The following DAGLB variants were observed in gnomAD, a reference collection of about 807,000 sequenced individuals.
DAGLB encodes diacylglycerol lipase beta, also known as diacylglycerol lipase-beta.
Under a neutral mutation model 72.1 loss-of-function variants are expected in DAGLB, and 66 were observed. The observed-to-expected ratio is 0.92, with a 90% CI of 0.75 to 1.12. DAGLB has a LOEUF of 1.12. Ranked by LOEUF, DAGLB falls within the 50% of genes most tolerant of loss-of-function variation. The probability of loss-of-function intolerance (pLI) is 0.00; values close to 1 mark genes in which losing one functional copy is unlikely to be tolerated. For missense variants in DAGLB, 1,065 were observed against 884.9 expected (o/e 1.20, Z -2.58); for synonymous variants, 414 against 359.5 (o/e 1.15, Z -1.71).
At chr7:6,423,955 T>C (rs962405077) in intron 8 of DAGLB, among the ~76,000 whole-genome samples, 1 of 151,650 alleles carries the variant, frequency 6.6e-6, no homozygotes, top group Non-Finnish European at 1.5e-5. Context: ...CTGTGGGAAG[T>C]GTGGCTTCTC....
At chr7:6,419,961 A>C (rs1211681295) in intron 9 of DAGLB, among the ~76,000 whole-genome samples, 3 of 152,230 alleles carry the variant, frequency 2.0e-5, no homozygotes, top group East Asian at 1.9e-4. Context: ...TGGGCAACAC[A>C]GAGAGACCCC....
intron 2 of DAGLB, among the ~76,000 whole-genome samples, chr7:6,443,817 T>C (rs913800821): frequency 2.0e-5 from 3 of 152,162 alleles, no homozygotes; most frequent in Non-Finnish European, 4.4e-5. Flanking sequence ...CTCTGACCAA[T>C]GAATCATTTC....
rs76757366 is a variant in DAGLB, at chr7:6,414,646, T to G, written c.1428-1612A>C. Among the ~76,000 whole-genome samples, 1,093 of 152,174 alleles carry G rather than the reference T, an allele frequency of 7.2e-3. 12 individuals are homozygous for G. The highest frequency in any genetic ancestry group is 0.025 in the African/African-American group (1,048 of 41,522). ...TATACACTACAGTTACATTTTCTCTTTGGTGTAACAAAAGCCTTTCCTACC... is the reference window on the plus strand; with the variant it reads ...TATACACTACAGTTACATTTTCTCTGTGGTGTAACAAAAGCCTTTCCTACC... On this transcript the variant is annotated intron_variant, in intron 11 of 14. Transcript: ENST00000297056.
chr7:6,447,725 G>A (rs759543120), intron 1 of DAGLB, 23 bp downstream of exon 1: 21 of 1,605,354 alleles, frequency 1.3e-5, no homozygotes, highest in East Asian at 2.3e-5. Flanking sequence ...GGGCTCCACC[G>A]CCCCCGTAGC....
intron 14 of DAGLB, 22 bp from the exon 15 acceptor site, chr7:6,410,057 AG>A: frequency 6.2e-7 from 1 of 1,605,814 alleles, no homozygotes; most frequent in Non-Finnish European, 8.5e-7. Flanking sequence ...AAGGAGAGAC[AG>A]CTCCCACGCG....
rs752741544 is a variant in DAGLB, at chr7:6,421,716, C to T, written c.1218+11G>A. Reference sequence around the variant, plus strand: ...CATTCACAGGCAAGACACACGAGTCCGCGCTCATACCTTGTGTGCCAGGCG... The same window carrying T: ...CATTCACAGGCAAGACACACGAGTCTGCGCTCATACCTTGTGTGCCAGGCG... On this transcript the variant is annotated intron_variant, in intron 9 of 14. Coordinates refer to ENST00000297056, the MANE Select transcript of DAGLB (RefSeq NM_139179.4). 59 of 1,600,318 alleles carry T rather than the reference C, an allele frequency of 3.7e-5. No individual in the cohort carries two copies. The highest frequency in any genetic ancestry group is 4.6e-5 in the Non-Finnish European group (54 of 1,171,290).
intron 2 of DAGLB, among the ~76,000 whole-genome samples, chr7:6,437,491 G>A (rs1784703114): frequency 6.6e-6 from 1 of 152,032 alleles, no homozygotes; most frequent in African/African-American, 2.4e-5. Context: ...GAGTGTGGTG[G>A]CACAATCATG....
At chr7:6,447,651 G>GTGCT in intron 1 of DAGLB, 97 bp downstream of exon 1, 1 of 1,476,416 alleles carries the variant, frequency 6.8e-7, no homozygotes. Flanking sequence ...GACCGCGACA[G>GTGCT]TGCTTGGGAA....
intron 9 of DAGLB, among the ~76,000 whole-genome samples, chr7:6,420,567 G>A (rs528416454): frequency 3.9e-5 from 6 of 152,330 alleles, no homozygotes; most frequent in Admixed American, 3.9e-4. Flanking sequence ...AGAGGCCGTG[G>A]AAGGGAGGAA....
At chr7:6,415,379 T>C (rs1783874122) in intron 11 of DAGLB, among the ~76,000 whole-genome samples, 1 of 151,954 alleles carries the variant, frequency 6.6e-6, no homozygotes, top group African/African-American at 2.4e-5. Context: ...TTTTTGTTCT[T>C]TACGTACATA....
rs1055428 is a variant in DAGLB, at chr7:6,416,716, G to C, written c.1338C>G (p.Gly446=). The C allele has an allele frequency of 6.2e-7, 1 of 1,613,284 alleles. No homozygotes were observed. The highest frequency in any genetic ancestry group is 8.5e-7 in the Non-Finnish European group (1 of 1,179,628). ...RLVIVGHSLG[G]GAAALLATML... ...TGGTGGCCAGCAGGGCGGCCGCCCC[G>C]CCCCCGAGGCTGTGGCCCACTATGA... Residue 446 remains glycine (G), a synonymous_variant, in exon 11 of 15, where the codon GGC becomes GGG. Coordinates refer to ENST00000297056, the MANE Select transcript of DAGLB (RefSeq NM_139179.4).
In DAGLB at chr7:6,434,843, G is replaced by C. The variant is rs767607430; in HGVS notation, c.597C>G (p.Leu199=). 5.6e-6 allele frequency: 9 copies of C among 1,614,174 alleles called. No individual in the cohort carries two copies. The highest frequency in any genetic ancestry group is 1.7e-5 in the Admixed American group (1 of 60,004). The part of the protein sequence containing the change: ...ATSVWETRIK[L]LCCCIGKDDH... ...CGTCTTTCCCAATGCAACAGCACAA[G>C]AGCTTGATTCTGGTTTCCCACACGC... Residue 199 remains leucine, a synonymous_variant, in exon 4 of 15, where the codon CTC becomes CTG. Coordinates refer to ENST00000297056, the MANE Select transcript of DAGLB (RefSeq NM_139179.4).
chr7:6,424,818 A>G lies in DAGLB; in HGVS notation c.1074T>C (p.Phe358=). The G allele has an allele frequency of 6.2e-7, 1 of 1,613,800 alleles. No homozygotes were observed. Among genetic ancestry groups the G allele is most frequent in the Non-Finnish European group, 8.5e-7 (1 of 1,179,790 alleles). Residue 358 remains phenylalanine (F), a synonymous_variant, in exon 8 of 15, where the codon TTT becomes TTC. Transcript: ENST00000297056. ...SFHDKVYELP[F]LVALDHRKES... ...CTTTCCTGTGATCCAGAGCCACTAA[A>G]AACGGCAGCTCGTAAACCTGCAGGA...
At chr7:6,410,413 C>T (rs1334518847) in intron 13 of DAGLB, 33 bp from the exon 14 acceptor site, 4 of 1,566,630 alleles carry the variant, frequency 2.6e-6, no homozygotes, top group Non-Finnish European at 3.5e-6. Context: ...AGAATGCTGT[C>T]ACTCACCCTC....
intron 11 of DAGLB, among the ~76,000 whole-genome samples, chr7:6,413,316 G>C (rs192020988): frequency 3.6e-4 from 55 of 152,272 alleles, no homozygotes; most frequent in African/African-American, 1.2e-3. Context: ...CCCAGAAACC[G>C]CGCTTGGAAG....
At position 6,410,401 on chromosome 7, in the gene DAGLB, G is replaced by C. The variant is rs537219830; in HGVS notation, c.1570-21C>G. On this transcript the variant is annotated intron_variant, in intron 13 of 14. Transcript: ENST00000297056. ...TTGTACTGAGGGCGAGACCCAATCA[G>C]TAGAATGCTGTCACTCACCCTCTGT... 1.8e-4 allele frequency: 281 copies of C among 1,580,464 alleles called. 2 individuals are homozygous for C. The South Asian group carries it at 3.1e-3, about 17-fold the overall frequency.
At chr7:6,414,798 T>C (rs1356114368) in intron 11 of DAGLB, among the ~76,000 whole-genome samples, 1 of 152,064 alleles carries the variant, frequency 6.6e-6, no homozygotes, top group Non-Finnish European at 1.5e-5. Context: ...GAGAAACGGT[T>C]GATTCCAGAT....
Position 6,410,028 on chromosome 7 carries a change from A to C in DAGLB, c.1828T>G (p.Cys610Gly), listed in dbSNP as rs748783259. ...QEEGASGRFG[C>G]CSAAHYSAKW... ...GCGCTATAGTGAGCAGCAGAGCAGC[A>C]GCCAAACCTGAAGCAGAAAAGGAGA... Residue 610 changes from cysteine to glycine, a missense_variant, in exon 15 of 15, where the codon TGC becomes GGC. Transcript: ENST00000297056. 4 of 1,613,088 alleles carry C rather than the reference A, an allele frequency of 2.5e-6. No individual in the cohort carries two copies. The Admixed American group carries it at 5.0e-5, about 20-fold the overall frequency.
intron 2 of DAGLB, among the ~76,000 whole-genome samples, chr7:6,439,601 G>C (rs1784764650): frequency 1.3e-5 from 2 of 152,152 alleles, no homozygotes; most frequent in South Asian, 2.1e-4. Flanking sequence ...ATACAAGGAG[G>C]CATCCCACAA....
Sources: gnomAD v4.1 joint callset for allele counts (sites outside exome capture counted in the v4.1 genomes callset) on GRCh38, gnomAD v4.1.1 for gene constraint, MANE v1.5 for transcripts, NCBI Gene and HGNC (gene_info 2026-07-23, HGNC 2026-07-21) for gene names.